Variants in SLC35F4 observed in about 807,000 individuals in gnomAD.
SLC35F4 encodes the protein solute carrier family 35 member F4.
A neutral mutation model predicts 44.2 loss-of-function variants in SLC35F4; 24 were observed. The observed-to-expected ratio is 0.54, with a 90% CI of 0.39 to 0.76. SLC35F4 has a LOEUF of 0.76. Ranked by LOEUF, SLC35F4 falls within the 30% of genes least tolerant of loss-of-function variation. The pLI is 0.00. For missense variants in SLC35F4, 562 were observed against 586.1 expected (o/e 0.96, Z 0.42); for synonymous variants, 238 against 223.6 (o/e 1.06, Z -0.57).
At chr14:57,942,087 T>C (rs1461174860) in intron 1 of SLC35F4, among the ~76,000 whole-genome samples, 1 of 152,202 alleles carries the variant, frequency 6.6e-6, no homozygotes, top group African/African-American at 2.4e-5. Context: ...CATTTTGCAA[T>C]CCTGGTTAGA....
At chr14:57,601,879 T>A (rs527447028) in intron 1 of SLC35F4, among the ~76,000 whole-genome samples, 1 of 152,162 alleles carries the variant, frequency 6.6e-6, no homozygotes, top group Non-Finnish European at 1.5e-5. Flanking sequence ...CTATCCCCAT[T>A]TTTTACAGAT....
At chr14:57,961,435 A>G (rs1890338204) in intron 1 of SLC35F4, among the ~76,000 whole-genome samples, 1 of 152,020 alleles carries the variant, frequency 6.6e-6, no homozygotes, top group Admixed American at 6.6e-5. Context: ...ATTCTATGAA[A>G]CCACAGGGCA....
At chr14:57,849,628 A>G (rs1886374291) in intron 1 of SLC35F4, among the ~76,000 whole-genome samples, 3 of 152,220 alleles carry the variant, frequency 2.0e-5, no homozygotes, top group African/African-American at 7.2e-5. Context: ...TATTCAGAAA[A>G]CAAAAGAGCT....
intron 1 of SLC35F4, among the ~76,000 whole-genome samples, chr14:57,732,674 C>T (rs2076370858): frequency 6.6e-6 from 1 of 152,044 alleles, no homozygotes; most frequent in African/African-American, 2.4e-5. Context: ...AAAGATTCTA[C>T]AAGGAGGGAT....
At chr14:57,705,144 G>A (rs2075638135) in intron 1 of SLC35F4, among the ~76,000 whole-genome samples, 1 of 152,260 alleles carries the variant, frequency 6.6e-6, no homozygotes, top group East Asian at 1.9e-4. Context: ...TTGAATAGTG[G>A]CTGGTACAAA....
At chr14:57,965,470 C>T (rs900946103) in intron 1 of SLC35F4, among the ~76,000 whole-genome samples, 1 of 152,096 alleles carries the variant, frequency 6.6e-6, no homozygotes, top group South Asian at 2.1e-4. Flanking sequence ...TCTTAATTCC[C>T]CTTTACATGT....
At chr14:57,971,180 C>T (rs1019510694) in intron 1 of SLC35F4, among the ~76,000 whole-genome samples, 1 of 152,186 alleles carries the variant, frequency 6.6e-6, no homozygotes, top group Non-Finnish European at 1.5e-5. Context: ...TTGAAATGAG[C>T]ACAATCATTA....
chr14:57,606,280 G>T (rs995383155), intron 1 of SLC35F4, among the ~76,000 whole-genome samples: 3 of 152,192 alleles, frequency 2.0e-5, no homozygotes, highest in African/African-American at 7.2e-5. Flanking sequence ...CAAGATACTG[G>T]CATTAAGACT....
intron 1 of SLC35F4, among the ~76,000 whole-genome samples, chr14:57,949,249 C>T (rs923796828): frequency 1.3e-5 from 2 of 152,060 alleles, no homozygotes; most frequent in Non-Finnish European, 2.9e-5. Flanking sequence ...TAACATTTTC[C>T]TGTTGGACTA....
intron 1 of SLC35F4, among the ~76,000 whole-genome samples, chr14:57,801,730 G>A (rs1481320539): frequency 6.6e-6 from 1 of 152,062 alleles, no homozygotes; most frequent in African/African-American, 2.4e-5. Flanking sequence ...ATAAGAAAAG[G>A]CAAAGAAGGA....
intron 1 of SLC35F4, among the ~76,000 whole-genome samples, chr14:57,822,799 AT>A (rs893408818): frequency 3.3e-5 from 5 of 152,080 alleles, no homozygotes; most frequent in Non-Finnish European, 5.9e-5. Flanking sequence ...TTTGAGGTCA[AT>A]TTTTTTCTCC....
chr14:57,872,493 T>C (rs376423013), intron 1 of SLC35F4, among the ~76,000 whole-genome samples: 22 of 152,178 alleles, frequency 1.4e-4, no homozygotes, highest in African/African-American at 5.1e-4. Flanking sequence ...CCTGTATGGA[T>C]TGTCATTGAT....
At chr14:57,710,517 T>G (rs1294693913) in intron 1 of SLC35F4, among the ~76,000 whole-genome samples, 1 of 152,072 alleles carries the variant, frequency 6.6e-6, no homozygotes, top group Non-Finnish European at 1.5e-5. Context: ...CTCAGAATTG[T>G]AGATCCACTG....
intron 3 of SLC35F4, among the ~76,000 whole-genome samples, chr14:57,582,341 A>G (rs2069343566): frequency 6.6e-6 from 1 of 152,048 alleles, no homozygotes; most frequent in South Asian, 2.1e-4. Context: ...GACTACAGGC[A>G]CGCACCACCA....
rs550914835 is a variant in SLC35F4, at chr14:57,694,132, T to G, written c.104-100008A>C. Among the ~76,000 whole-genome samples, 4 of 152,270 alleles carry G rather than the reference T, an allele frequency of 2.6e-5. No individual in the cohort carries two copies. The South Asian group carries it at 8.3e-4, about 32-fold the overall frequency. On this transcript the variant is annotated intron_variant, in intron 1 of 7. Coordinates refer to ENST00000556826, the MANE Select transcript of SLC35F4 (RefSeq NM_001306087.2). ...CTTCCCATGTCAAGAAATAGAACAT[T>G]GGGAGTACCTGAGATGATCTCTTCA...
At chr14:57,748,185 T>C (rs1181874771) in intron 1 of SLC35F4, among the ~76,000 whole-genome samples, 2 of 152,184 alleles carry the variant, frequency 1.3e-5, no homozygotes, top group African/African-American at 4.8e-5. Context: ...ACAGAAAAAC[T>C]GTCTTGAGTT....
chr14:57,628,227 C>A (rs1250676029), intron 1 of SLC35F4, among the ~76,000 whole-genome samples: 1 of 119,604 alleles, frequency 8.4e-6, no homozygotes, highest in Non-Finnish European at 1.8e-5. Context: ...ATCGCTGATG[C>A]TTTCTATATG....
intron 1 of SLC35F4, among the ~76,000 whole-genome samples, chr14:57,738,787 A>ATATAT (rs1491518109): frequency 1.0e-5 from 1 of 96,934 alleles, no homozygotes; most frequent in Non-Finnish European, 2.1e-5. Flanking sequence ...ATATATATAT[A>ATATAT]GGCTTCATAT....
chr14:57,564,486 C>T (rs1161889355), intron 7 of SLC35F4, 110 bp from the exon 8 acceptor site: 1 of 1,419,024 alleles, frequency 7.0e-7, no homozygotes, highest in Non-Finnish European at 9.4e-7. Context: ...CTTCTTTATT[C>T]TTCCAAGTTA....
Sources: gnomAD v4.1 joint callset for allele counts (sites outside exome capture counted in the v4.1 genomes callset) on GRCh38, gnomAD v4.1.1 for gene constraint, MANE v1.5 for transcripts, NCBI Gene and HGNC (gene_info 2026-07-23, HGNC 2026-07-21) for gene names.